GALK2: variants seen among roughly 807,000 people sequenced by gnomAD.
The protein encoded by GALK2 is galactokinase 2.
Under a neutral mutation model 52.4 loss-of-function variants are expected in GALK2, and 36 were observed. That is an observed-to-expected ratio of 0.69 (90% confidence interval 0.53 to 0.91). GALK2 has a LOEUF of 0.91. GALK2 is among the 40% of genes least tolerant of loss of function. The pLI is 0.00. For missense variants in GALK2, 579 were observed against 559.1 expected (o/e 1.04, Z -0.36); for synonymous variants, 176 against 199.1 (o/e 0.88, Z 0.98).
At chr15:49,314,378 T>C (rs1056221929) in intron 8 of GALK2, among the ~76,000 whole-genome samples, 2 of 152,262 alleles carry the variant, frequency 1.3e-5, no homozygotes, top group Non-Finnish European at 2.9e-5. Context: ...TATTAGGGTA[T>C]ACTTTGGGCA....
chr15:49,224,239 T>C (rs951131200), intron 3 of GALK2, among the ~76,000 whole-genome samples: 3 of 152,240 alleles, frequency 2.0e-5, no homozygotes, highest in East Asian at 1.9e-4. Flanking sequence ...ATTCTGATAT[T>C]AGACCTTTGT....
At chr15:49,157,784 T>C (rs1032067721) in intron 1 of GALK2, among the ~76,000 whole-genome samples, 5 of 152,202 alleles carry the variant, frequency 3.3e-5, no homozygotes, top group African/African-American at 1.2e-4. Context: ...GCAAACTTAT[T>C]AGCACGGCAT....
At position 49,214,491 on chromosome 15, in the gene GALK2, C is replaced by T. The variant is rs534614529; in HGVS notation, c.143-2699C>T. 2.0e-4 allele frequency among the ~76,000 whole-genome samples: 23 copies of T among 115,996 alleles called. 1 individual carries two copies. Among genetic ancestry groups the T allele is most frequent in the East Asian group, 1.9e-3 (8 of 4,278 alleles). The allele number at this position is 115,996 out of a possible 152,430, so 76.1% of individuals were successfully genotyped here. On this transcript the variant is annotated intron_variant, in intron 2 of 9. Coordinates refer to ENST00000560031, the MANE Select transcript of GALK2 (RefSeq NM_002044.4). ...GACTACAGGCACCTGCCACCACACC[C>T]GGCTATTTTTTTTTTTTTTTTTGTA...
chr15:49,214,448 A>C (rs2089211041), intron 2 of GALK2, among the ~76,000 whole-genome samples: 2 of 146,532 alleles, frequency 1.4e-5, no homozygotes, highest in South Asian at 4.3e-4. Context: ...CTCCTGCCTC[A>C]GCCTCCCAAG....
At chr15:49,227,779 T>A (rs1364818941) in intron 3 of GALK2, among the ~76,000 whole-genome samples, 1 of 152,128 alleles carries the variant, frequency 6.6e-6, no homozygotes. Context: ...TTGAGTCCTT[T>A]CTCTTTCTTA....
At chr15:49,357,300 G>C (rs1409725259) in intron 3 of GALK2, among the ~76,000 whole-genome samples, 16 of 150,618 alleles carry the variant, frequency 1.1e-4, no homozygotes, top group Admixed American at 8.6e-4. Context: ...CCAGGAGCTG[G>C]TTTTTTGAAA....
chr15:49,358,725 T>G (rs1567144710), intron 3 of GALK2, among the ~76,000 whole-genome samples: 3 of 151,622 alleles, frequency 2.0e-5, no homozygotes, highest in Non-Finnish European at 4.4e-5. Context: ...TTCACAGAAT[T>G]GGAAAAAACT....
chr15:49,160,828 C>T (rs546818880), intron 1 of GALK2, among the ~76,000 whole-genome samples: 7 of 151,510 alleles, frequency 4.6e-5, no homozygotes, highest in Non-Finnish European at 7.4e-5. Context: ...GAGCTGAGAT[C>T]GTGCCACTGC....
At chr15:49,310,305 G>A (rs1310904435) in intron 8 of GALK2, among the ~76,000 whole-genome samples, 1 of 152,136 alleles carries the variant, frequency 6.6e-6, no homozygotes, top group Non-Finnish European at 1.5e-5. Context: ...CATTTAGGTT[G>A]ATCCTATATC....
At chr15:49,250,853 A>AT (rs143640282) in intron 5 of GALK2, among the ~76,000 whole-genome samples, 2,621 of 152,240 alleles carry the variant, frequency 0.017, 94 homozygotes, top group African/African-American at 0.06. Flanking sequence ...TTATAATGAT[A>AT]TTTTTTTGAA....
chr15:49,235,552 T>A lies in GALK2; in HGVS notation c.267-299T>A, dbSNP rs548555143. 57 of 517,588 alleles carry A rather than the reference T, an allele frequency of 1.1e-4. 2 individuals are homozygous for A. The highest frequency in any genetic ancestry group is 8.7e-4 in the South Asian group (56 of 64,448). 32.1% of individuals were successfully genotyped at this position (517,588 alleles called of 1,614,324 possible). ...AAGCATTCATGTGGTTTACACCAGT[T>A]TAACAAGGACCAACATGAAAGAGAA... On this transcript the variant is annotated intron_variant, in intron 3 of 9. Transcript: ENST00000560031.
intron 1 of GALK2, among the ~76,000 whole-genome samples, chr15:49,187,291 G>T (rs1251983044): frequency 1.3e-5 from 2 of 152,156 alleles, no homozygotes; most frequent in Admixed American, 6.5e-5. Flanking sequence ...CCCCCAAAGA[G>T]AATTTCTTTC....
At chr15:49,299,709 G>GCTTGCTTGCTTTCTTTCTTTCTTT (rs2034799400) in intron 8 of GALK2, among the ~76,000 whole-genome samples, 4 of 85,242 alleles carry the variant, frequency 4.7e-5, no homozygotes, top group South Asian at 4.7e-4. Context: ...TCTTGGTATT[G>GCTTGCTTGCTTTCTTTCTTTCTTT]CTTTCTTTCT....
intron 7 of GALK2, among the ~76,000 whole-genome samples, chr15:49,291,553 A>G (rs140886611): frequency 2.6e-4 from 40 of 152,170 alleles, no homozygotes; most frequent in Non-Finnish European, 5.3e-4. Context: ...AGACCTCAGG[A>G]TAAGAGAAAT....
At chr15:49,346,997 A>G (rs2041600969) in intron 3 of GALK2, among the ~76,000 whole-genome samples, 1 of 152,232 alleles carries the variant, frequency 6.6e-6, no homozygotes, top group Admixed American at 6.5e-5. Context: ...GGTTATAAGC[A>G]CATGTGACTT....
chr15:49,267,514 A>G (rs2092400120), intron 5 of GALK2, among the ~76,000 whole-genome samples: 1 of 152,200 alleles, frequency 6.6e-6, no homozygotes, highest in Non-Finnish European at 1.5e-5. Flanking sequence ...CCAATGGGGA[A>G]TACCAATCCC....
chr15:49,181,633 T>C (rs529037079), intron 1 of GALK2, among the ~76,000 whole-genome samples: 2 of 150,962 alleles, frequency 1.3e-5, no homozygotes, highest in Non-Finnish European at 2.9e-5. Context: ...TGCCTCAGCC[T>C]CCCGAGTAGC....
intron 4 of GALK2, among the ~76,000 whole-genome samples, chr15:49,238,995 C>T (rs520949): frequency 0.28 from 41,823 of 151,906 alleles, 6,252 homozygotes; most frequent in East Asian, 0.43. Context: ...AGAAAAAGAA[C>T]ATTCAAGGCA....
At chr15:49,187,443 A>G (rs911866129) in intron 1 of GALK2, among the ~76,000 whole-genome samples, 5 of 152,154 alleles carry the variant, frequency 3.3e-5, no homozygotes, top group African/African-American at 1.2e-4. Context: ...TGTCATGGTT[A>G]CCACTGATGC....
Sources: allele counts gnomAD v4.1 joint callset (sites outside exome capture counted in the v4.1 genomes callset), GRCh38; gene constraint gnomAD v4.1.1; transcripts MANE v1.5; gene names NCBI Gene and HGNC (gene_info 2026-07-23, HGNC 2026-07-21).